PTPRQ: variants seen among roughly 807,000 people sequenced by gnomAD.
PTPRQ encodes the protein phosphatidylinositol phosphatase PTPRQ.
A neutral mutation model predicts 246.0 loss-of-function variants in PTPRQ; 199 were observed. The observed-to-expected ratio is 0.81, with a 90% CI of 0.72 to 0.91. PTPRQ has a LOEUF of 0.91. PTPRQ is among the 40% of genes least tolerant of loss of function. The pLI is 0.00. For synonymous variants in PTPRQ, 869 were observed against 853.2 expected (o/e 1.02, Z -0.32); for missense variants, 2,624 against 2,528.4 (o/e 1.04, Z -0.81).
At chr12:80,511,203 TA>T (rs1223498661) in intron 17 of PTPRQ, among the ~76,000 whole-genome samples, 1 of 152,130 alleles carries the variant, frequency 6.6e-6, no homozygotes, top group Non-Finnish European at 1.5e-5. Context: ...CATGATGTTT[TA>T]AAGAAGTCTC....
chr12:80,602,000 G>T (rs567131253), intron 26 of PTPRQ, among the ~76,000 whole-genome samples: 1 of 151,774 alleles, frequency 6.6e-6, no homozygotes, highest in Admixed American at 6.6e-5. Flanking sequence ...TTCATCATTA[G>T]CATCTCTTAG....
intron 9 of PTPRQ, among the ~76,000 whole-genome samples, chr12:80,489,162 C>T (rs751254648): frequency 1.4e-4 from 22 of 152,106 alleles, no homozygotes; most frequent in East Asian, 5.8e-4. Flanking sequence ...TAAGAAACTA[C>T]GGTGTTCTTT....
chr12:80,507,611 C>T (rs1390190381), intron 16 of PTPRQ, among the ~76,000 whole-genome samples: 2 of 151,818 alleles, frequency 1.3e-5, no homozygotes, highest in Non-Finnish European at 2.9e-5. Context: ...TTGCAGGTCT[C>T]TCCATGTTTT....
Position 80,613,760 on chromosome 12 carries a change from G to A in PTPRQ, c.5087G>A (p.Ser1696Asn). 6.5e-7 allele frequency: 1 copy of A among 1,544,288 alleles called. No individual in the cohort carries two copies. The highest frequency in any genetic ancestry group is 8.8e-7 in the Non-Finnish European group (1 of 1,142,384). The change falls in exon 29 of 45, where the codon AGT becomes AAT. Residue 1696 changes from serine to asparagine, a missense_variant. Transcript: ENST00000644991. ...ACTGCTGTCCAGATTCACAACCTCA[G>A]TATTATACAGAAAACCAACACATTC... is the stretch of plus-strand genomic sequence containing the variant. Reference protein sequence around the residue: ...DPTAVQIHNLSIIQKTNTFVI... With the variant: ...DPTAVQIHNLNIIQKTNTFVI...
chr12:80,667,451 T>A (rs1220317490), intron 39 of PTPRQ, among the ~76,000 whole-genome samples: 1 of 152,056 alleles, frequency 6.6e-6, no homozygotes, highest in Non-Finnish European at 1.5e-5. Flanking sequence ...AAAGCCTATT[T>A]TCTGAAAACT....
intron 8 of PTPRQ, among the ~76,000 whole-genome samples, chr12:80,478,527 G>T (rs543877499): frequency 1.3e-5 from 2 of 152,228 alleles, no homozygotes; most frequent in Admixed American, 6.5e-5. Context: ...AAAGCTGGAC[G>T]GAGAACGACT....
At position 80,455,732 on chromosome 12, in the gene PTPRQ, AG is replaced by A. The variant is rs766241627; in HGVS notation, c.391-1841del. On this transcript the variant is annotated intron_variant, in intron 3 of 44. Coordinates refer to ENST00000644991, the MANE Select transcript of PTPRQ (RefSeq NM_001145026.2). Reference sequence around the variant, plus strand: ...CAGCCTCCCAAATAGCTGGGACTAGAGGCGCCCGCCACCATGCCCGGCTAAT... The same window carrying A: ...CAGCCTCCCAAATAGCTGGGACTAGAGCGCCCGCCACCATGCCCGGCTAAT... 5.4e-4 allele frequency among the ~76,000 whole-genome samples: 82 copies of A among 151,586 alleles called. 1 individual carries two copies. The highest frequency in any genetic ancestry group is 5.9e-4 in the Admixed American group (9 of 15,188).
Position 80,593,349 on chromosome 12 carries a change from TA to T in PTPRQ, c.4609+4898del, listed in dbSNP as rs1309083600. ...TGGATTATATAATCAGAAAACATGTTATCATTAACTATCTGAGCCCATAACA... is the reference window on the plus strand; with the variant it reads ...TGGATTATATAATCAGAAAACATGTTTCATTAACTATCTGAGCCCATAACA... On this transcript the variant is annotated intron_variant, in intron 26 of 44. Coordinates refer to ENST00000644991, the MANE Select transcript of PTPRQ (RefSeq NM_001145026.2). 4.6e-5 allele frequency among the ~76,000 whole-genome samples: 7 copies of T among 152,310 alleles called. No homozygotes were observed. In the East Asian group the frequency reaches 1.4e-3, roughly 29 times the overall value.
rs1565832553 is a variant in PTPRQ at position 80,635,080 on chromosome 12, A to G, written c.5915+7A>G. On this transcript the variant is annotated splice_region_variant and intron_variant, in intron 35 of 44. Transcript: ENST00000644991. Reference sequence around the variant, plus strand: ...AGGACGAGAGATTAACGCGGTGAGCACACTCCTCTGGGTGAACTGTGGTCC... The same window carrying G: ...AGGACGAGAGATTAACGCGGTGAGCGCACTCCTCTGGGTGAACTGTGGTCC... 1.3e-6 allele frequency: 2 copies of G among 1,550,370 alleles called. No individual in the cohort carries two copies. The highest frequency in any genetic ancestry group is 1.7e-6 in the Non-Finnish European group (2 of 1,146,412).
At chr12:80,576,255 C>T (rs2120976101) in intron 25 of PTPRQ, among the ~76,000 whole-genome samples, 1 of 152,246 alleles carries the variant, frequency 6.6e-6, no homozygotes, top group Admixed American at 6.5e-5. Flanking sequence ...GATTCTCCTG[C>T]CTCAGCCTCC....
chr12:80,553,253 G>C (rs1193075546), intron 25 of PTPRQ, among the ~76,000 whole-genome samples: 1 of 151,572 alleles, frequency 6.6e-6, no homozygotes, highest in Non-Finnish European at 1.5e-5. Context: ...TAAAGCATGA[G>C]TATTAATTGC....
At chr12:80,473,766 T>G (rs977864283) in intron 8 of PTPRQ, among the ~76,000 whole-genome samples, 1 of 152,256 alleles carries the variant, frequency 6.6e-6, no homozygotes, top group African/African-American at 2.4e-5. Context: ...AGAAGTAGAA[T>G]CTTCAGGTCA....
At chr12:80,559,056 T>G (rs1292345076) in intron 25 of PTPRQ, among the ~76,000 whole-genome samples, 2 of 152,170 alleles carry the variant, frequency 1.3e-5, no homozygotes, top group Non-Finnish European at 2.9e-5. Context: ...CTTTCTTTTC[T>G]TTTTTTGAGA....
intron 8 of PTPRQ, among the ~76,000 whole-genome samples, chr12:80,480,674 C>A (rs1281885220): frequency 9.2e-5 from 14 of 152,054 alleles, no homozygotes; most frequent in Non-Finnish European, 1.3e-4. Flanking sequence ...AGACGCAATA[C>A]AAAATGATAA....
At position 80,578,699 on chromosome 12, in the gene PTPRQ, G is replaced by T. The variant is rs925335767; in HGVS notation, c.4286-9430G>T. 7.1e-4 allele frequency among the ~76,000 whole-genome samples: 108 copies of T among 152,092 alleles called. 2 individuals are homozygous for T. Among genetic ancestry groups the T allele is most frequent in the African/African-American group, 2.4e-3 (99 of 41,414 alleles). Reference sequence around the variant, plus strand: ...TGAGCCACCGCACCCGGCCAAGAATGGGAAAAATTAAACATACTTAGTATT... The same window carrying T: ...TGAGCCACCGCACCCGGCCAAGAATTGGAAAAATTAAACATACTTAGTATT... On this transcript the variant is annotated intron_variant, in intron 25 of 44. Coordinates refer to ENST00000644991, the MANE Select transcript of PTPRQ (RefSeq NM_001145026.2).
intron 42 of PTPRQ, among the ~76,000 whole-genome samples, chr12:80,671,199 T>C (rs1900958824): frequency 6.6e-6 from 1 of 152,056 alleles, no homozygotes; most frequent in South Asian, 2.1e-4. Context: ...CGTAAATGCT[T>C]GCTCATTATA....
chr12:80,478,893 C>T (rs1423051271), intron 8 of PTPRQ, among the ~76,000 whole-genome samples: 29 of 152,124 alleles, frequency 1.9e-4, no homozygotes, highest in East Asian at 5.8e-4. Flanking sequence ...ACCAAATCTA[C>T]GTCTGATTGG....
chr12:80,508,285 A>G (rs1163015435), intron 16 of PTPRQ, among the ~76,000 whole-genome samples: 1 of 152,062 alleles, frequency 6.6e-6, no homozygotes, highest in Non-Finnish European at 1.5e-5. Flanking sequence ...CCTTGCCCTC[A>G]TGAAGCTCAC....
In PTPRQ at chr12:80,457,785, C is replaced by T. The variant is rs771278018; in HGVS notation, c.460+141C>T. ...CACTTAATTAGTTTTAGAGTTCTTT[C>T]GGATAGCTAATTTATTCCTTAAAAT... On this transcript the variant is annotated intron_variant, in intron 4 of 44. Transcript: ENST00000644991. 6.4e-5 allele frequency: 25 copies of T among 392,332 alleles called. 1 individual carries two copies. The highest frequency in any genetic ancestry group is 5.7e-4 in the Admixed American group (13 of 22,632). 24.3% of individuals were successfully genotyped at this position (392,332 alleles called of 1,614,324 possible). A position where few individuals can be genotyped will look rare whatever the true frequency, so the allele number is the denominator to read the frequency against.
Sources: gnomAD v4.1 joint callset for allele counts (sites outside exome capture counted in the v4.1 genomes callset) on GRCh38, gnomAD v4.1.1 for gene constraint, MANE v1.5 for transcripts, NCBI Gene and HGNC (gene_info 2026-07-23, HGNC 2026-07-21) for gene names.